Variants in GRID1 observed in about 807,000 individuals in gnomAD.
GRID1 encodes the protein glutamate ionotropic receptor delta type subunit 1.
Under a neutral mutation model 98.0 loss-of-function variants are expected in GRID1, and 28 were observed. The ratio of observed to expected loss-of-function variants is 0.29; its 90% CI spans 0.21 to 0.39. The LOEUF (loss-of-function observed/expected upper bound fraction) is 0.39, where lower values mean the gene tolerates loss of function less well. GRID1 is among the 10% of genes least tolerant of loss of function. The probability of loss-of-function intolerance (pLI) is 1.00; values close to 1 mark genes in which losing one functional copy is unlikely to be tolerated. For missense variants in GRID1, 1,111 were observed against 1,340.5 expected (o/e 0.83, Z 2.67); for synonymous variants, 553 against 538.5 (o/e 1.03, Z -0.37).
chr10:86,016,612 A>C (rs1842984359), intron 4 of GRID1, among the ~76,000 whole-genome samples: 1 of 152,176 alleles, frequency 6.6e-6, no homozygotes, highest in Admixed American at 6.5e-5. Flanking sequence ...TCCTCCATAA[A>C]TATTAGTGGA....
chr10:86,081,777 A>G (rs1180278733), intron 4 of GRID1, among the ~76,000 whole-genome samples: 5 of 152,228 alleles, frequency 3.3e-5, no homozygotes, highest in Non-Finnish European at 7.3e-5. Context: ...AAGGCGACAT[A>G]CTATATGATT....
At chr10:85,780,686 G>T (rs112496942) in intron 8 of GRID1, among the ~76,000 whole-genome samples, 3,242 of 152,300 alleles carry the variant, frequency 0.021, 105 homozygotes, top group Admixed American at 0.073. Context: ...CAGCCTGGAG[G>T]CAGATAGTAC....
intron 2 of GRID1, among the ~76,000 whole-genome samples, chr10:86,257,967 G>T (rs560946778): frequency 4.1e-4 from 62 of 152,286 alleles, no homozygotes; most frequent in African/African-American, 1.5e-3. Context: ...CAAAACACAT[G>T]CCCAGTCTCT....
At chr10:86,245,955 G>A (rs1027921328) in intron 2 of GRID1, among the ~76,000 whole-genome samples, 7 of 152,258 alleles carry the variant, frequency 4.6e-5, no homozygotes, top group Non-Finnish European at 8.8e-5. Flanking sequence ...GATGTCAAGA[G>A]TGTGCACGCA....
chr10:86,299,207 T>TTC (rs1037545880), intron 2 of GRID1, among the ~76,000 whole-genome samples: 12 of 151,444 alleles, frequency 7.9e-5, no homozygotes, highest in African/African-American at 2.9e-4. Flanking sequence ...CTTTTTTTTT[T>TTC]TTTTGTATAA....
intron 4 of GRID1, among the ~76,000 whole-genome samples, chr10:85,931,684 T>C (rs909102862): frequency 8.5e-5 from 13 of 152,234 alleles, no homozygotes; most frequent in African/African-American, 3.1e-4. Flanking sequence ...CCTTACATTA[T>C]TTAGTTTGTC....
In GRID1 at chr10:85,723,193, A is replaced by AT. The variant is rs772678179; in HGVS notation, c.1859-53dup. ...GCCAGTGGCTTCTGCTCTCCCTCCT[A>AT]TCCCCAGGGAGGTGTTCTGCCCTGC... On this transcript the variant is annotated intron_variant, in intron 11 of 15. Transcript: ENST00000327946. 37 of 1,537,546 alleles carry AT rather than the reference A, an allele frequency of 2.4e-5. 1 individual carries two copies. The South Asian group carries it at 3.8e-4, about 16-fold the overall frequency.
chr10:85,766,195 G>A (rs557811102), intron 8 of GRID1, among the ~76,000 whole-genome samples: 15 of 152,216 alleles, frequency 9.9e-5, no homozygotes, highest in Non-Finnish European at 2.1e-4. Flanking sequence ...CCTTAAATTT[G>A]ACAATAGGGA....
chr10:85,680,752 C>A (rs967042490), intron 12 of GRID1, among the ~76,000 whole-genome samples: 5 of 152,168 alleles, frequency 3.3e-5, no homozygotes, highest in Non-Finnish European at 5.9e-5. Context: ...CGGGCATTAT[C>A]TTTGACCAGA....
At chr10:86,184,156 T>C (rs974010513) in intron 3 of GRID1, among the ~76,000 whole-genome samples, 3 of 152,234 alleles carry the variant, frequency 2.0e-5, no homozygotes, top group African/African-American at 7.2e-5. Flanking sequence ...TATACATGAT[T>C]TCTTTATCAG....
Position 86,212,333 on chromosome 10 carries a change from C to T in GRID1, c.236-5685G>A, listed in dbSNP as rs75693381. 4.6e-3 allele frequency among the ~76,000 whole-genome samples: 696 copies of T among 152,348 alleles called. 5 individuals carry two copies. Among genetic ancestry groups the T allele is most frequent in the African/African-American group, 0.016 (674 of 41,568 alleles). ...CTGCAACTCTGAGGTCCCAAGCCCC[C>T]TCAACCGGCAGCTCCTGTGTTAGCT... On this transcript the variant is annotated intron_variant, in intron 2 of 15. Coordinates refer to ENST00000327946, the MANE Select transcript of GRID1 (RefSeq NM_017551.3).
intron 13 of GRID1, among the ~76,000 whole-genome samples, chr10:85,627,210 T>C (rs78641361): frequency 0.023 from 3,504 of 152,278 alleles, 45 homozygotes; most frequent in African/African-American, 0.038. Context: ...TGAGTCCAAC[T>C]GTATGAGTTT....
At chr10:86,363,563 G>T (rs1848631764) in intron 2 of GRID1, among the ~76,000 whole-genome samples, 1 of 152,104 alleles carries the variant, frequency 6.6e-6, no homozygotes, top group African/African-American at 2.4e-5. Flanking sequence ...GGGGAGGTGC[G>T]CCCGATACAG....
intron 2 of GRID1, among the ~76,000 whole-genome samples, chr10:86,246,634 A>G (rs1392590599): frequency 6.6e-6 from 1 of 151,956 alleles, no homozygotes; most frequent in Non-Finnish European, 1.5e-5. Context: ...AGGTCCCTCC[A>G]TCCACCCTCC....
intron 4 of GRID1, among the ~76,000 whole-genome samples, chr10:86,049,057 C>T (rs912268643): frequency 6.6e-6 from 1 of 152,196 alleles, no homozygotes; most frequent in African/African-American, 2.4e-5. Context: ...TACCACTAGC[C>T]CTGTTTCACA....
intron 4 of GRID1, among the ~76,000 whole-genome samples, chr10:86,046,889 A>T (rs1210485701): frequency 6.7e-6 from 1 of 149,178 alleles, no homozygotes; most frequent in Admixed American, 6.7e-5. Context: ...AAAGACAGAG[A>T]CTCAGAGAGA....
At chr10:85,904,539 T>C (rs1283155160) in intron 5 of GRID1, among the ~76,000 whole-genome samples, 1 of 152,094 alleles carries the variant, frequency 6.6e-6, no homozygotes, top group Non-Finnish European at 1.5e-5. Context: ...GGGTCCCCCA[T>C]GACAATGCTG....
At chr10:85,774,021 A>G (rs184717283) in intron 8 of GRID1, among the ~76,000 whole-genome samples, 2 of 152,328 alleles carry the variant, frequency 1.3e-5, no homozygotes, top group East Asian at 1.9e-4. Context: ...CGCCAAGTCA[A>G]TCCTAAGCCA....
At chr10:86,298,895 C>A (rs533049726) in intron 2 of GRID1, among the ~76,000 whole-genome samples, 1 of 152,200 alleles carries the variant, frequency 6.6e-6, no homozygotes, top group Non-Finnish European at 1.5e-5. Flanking sequence ...GGATCCCTGG[C>A]CTGCAATTTT....
Sources: gnomAD v4.1 joint callset for allele counts (sites outside exome capture counted in the v4.1 genomes callset) on GRCh38, gnomAD v4.1.1 for gene constraint, MANE v1.5 for transcripts, NCBI Gene and HGNC (gene_info 2026-07-23, HGNC 2026-07-21) for gene names.